PDE1C: variants seen among roughly 807,000 people sequenced by gnomAD.
The protein encoded by PDE1C is dual specificity calcium/calmodulin-dependent 3',5'-cyclic nucleotide phosphodiesterase 1C.
A neutral mutation model predicts 93.1 loss-of-function variants in PDE1C; 62 were observed. The ratio of observed to expected loss-of-function variants is 0.67; its 90% CI spans 0.54 to 0.82. PDE1C has a LOEUF of 0.82. Ranked by LOEUF, PDE1C falls within the 40% of genes least tolerant of loss-of-function variation. PDE1C has a pLI of 0.00. For missense variants in PDE1C, 742 were observed against 884.6 expected (o/e 0.84, Z 2.04); for synonymous variants, 325 against 310.1 (o/e 1.05, Z -0.50).
intron 1 of PDE1C, among the ~76,000 whole-genome samples, chr7:32,266,230 C>T (rs1373263243): frequency 2.0e-5 from 3 of 151,648 alleles, no homozygotes; most frequent in South Asian, 2.1e-4. Flanking sequence ...TGCAGTGAGC[C>T]GAGATCGCGC....
intron 3 of PDE1C, among the ~76,000 whole-genome samples, chr7:32,082,365 C>T (rs558849998): frequency 7.9e-5 from 12 of 152,146 alleles, no homozygotes; most frequent in Non-Finnish European, 1.2e-4. Context: ...CCGGGAAGCT[C>T]GAACTGGGTG....
chr7:31,991,465 C>T (rs1199915526), intron 2 of PDE1C, among the ~76,000 whole-genome samples: 1 of 152,212 alleles, frequency 6.6e-6, no homozygotes, highest in African/African-American at 2.4e-5. Flanking sequence ...GTTACTAGCT[C>T]TGCAGTCATC....
intron 17 of PDE1C, among the ~76,000 whole-genome samples, chr7:31,770,926 C>T (rs1399033410): frequency 1.3e-5 from 2 of 152,148 alleles, no homozygotes; most frequent in African/African-American, 4.8e-5. Context: ...CTGTGTTCTA[C>T]CTTGAACTTA....
intron 2 of PDE1C, among the ~76,000 whole-genome samples, chr7:31,896,297 CCTGT>C (rs1799318892): frequency 6.6e-6 from 1 of 152,044 alleles, no homozygotes; most frequent in Non-Finnish European, 1.5e-5. Flanking sequence ...AGAAACAGGA[CCTGT>C]ACAGAAAATG....
At chr7:32,135,013 G>T (rs1328101218) in intron 3 of PDE1C, among the ~76,000 whole-genome samples, 5 of 152,166 alleles carry the variant, frequency 3.3e-5, no homozygotes, top group Admixed American at 6.5e-5. Flanking sequence ...AGATTTGACA[G>T]CATGGGAATT....
At chr7:31,771,962 C>T (rs921365427) in intron 17 of PDE1C, among the ~76,000 whole-genome samples, 3 of 149,142 alleles carry the variant, frequency 2.0e-5, no homozygotes, top group African/African-American at 7.4e-5. Flanking sequence ...AGCAGAATGG[C>T]GTGAACCTGG....
intron 3 of PDE1C, among the ~76,000 whole-genome samples, chr7:32,149,843 T>C (rs939522255): frequency 6.6e-6 from 1 of 152,178 alleles, no homozygotes; most frequent in African/African-American, 2.4e-5. Context: ...AAAACTGTCT[T>C]TAAACAAACA....
chr7:31,969,973 C>A (rs1810684128), intron 2 of PDE1C, among the ~76,000 whole-genome samples: 1 of 151,834 alleles, frequency 6.6e-6, no homozygotes, highest in African/African-American at 2.4e-5. Flanking sequence ...AGGGGAACAT[C>A]AGATTCTGGG....
the PDE1C span, among the ~76,000 whole-genome samples, chr7:31,682,774 A>G: frequency 6.6e-6 from 1 of 152,232 alleles, no homozygotes; most frequent in Non-Finnish European, 1.5e-5. Flanking sequence ...CATCCATAAC[A>G]TGGAATATTT....
intron 1 of PDE1C, among the ~76,000 whole-genome samples, chr7:32,346,940 A>G (rs2128081711): frequency 6.6e-6 from 1 of 152,378 alleles, no homozygotes; most frequent in East Asian, 1.9e-4. Context: ...AGGAACAGGC[A>G]TTGAGTGCAA....
intron 6 of PDE1C, among the ~76,000 whole-genome samples, chr7:31,870,523 G>C (rs1195312668): frequency 6.6e-6 from 1 of 151,926 alleles, no homozygotes; most frequent in Non-Finnish European, 1.5e-5. Context: ...TAAGTTCCTG[G>C]ACACATACAA....
chr7:32,396,125 G>A lies in PDE1C; in HGVS notation c.310+31697C>T, dbSNP rs376961130. On this transcript the variant is annotated intron_variant, in intron 1 of 1. Coordinates refer to the PDE1C transcript ENST00000672256. ...TAGCTGGAAAACCCAAAAGAGAAAA[G>A]CTATGAGGGTGGACTAGCCCCAGCA... 3.3e-5 allele frequency among the ~76,000 whole-genome samples: 5 copies of A among 152,142 alleles called. No individual in the cohort carries two copies. The East Asian group carries it at 7.7e-4, about 23-fold the overall frequency.
At chr7:32,381,744 G>A (rs1455229471) in intron 1 of PDE1C, among the ~76,000 whole-genome samples, 1 of 152,134 alleles carries the variant, frequency 6.6e-6, no homozygotes, top group Non-Finnish European at 1.5e-5. Context: ...TCTCTGCTTA[G>A]CCTGCCTTAC....
At chr7:31,800,439 T>C (rs1323129157) in intron 16 of PDE1C, among the ~76,000 whole-genome samples, 1 of 151,620 alleles carries the variant, frequency 6.6e-6, no homozygotes, top group Non-Finnish European at 1.5e-5. Flanking sequence ...TAGTTAGAAA[T>C]TCCTTATTTT....
At chr7:31,984,865 A>G (rs1783155433) in intron 2 of PDE1C, among the ~76,000 whole-genome samples, 1 of 152,196 alleles carries the variant, frequency 6.6e-6, no homozygotes, top group Non-Finnish European at 1.5e-5. Context: ...TAAGAATTCC[A>G]GCAAACTAAC....
chr7:31,872,646 G>A (rs1324901981), intron 6 of PDE1C, among the ~76,000 whole-genome samples: 1 of 152,100 alleles, frequency 6.6e-6, no homozygotes, highest in Non-Finnish European at 1.5e-5. Context: ...TCCCTTTGAT[G>A]AGGGAAGTCA....
At chr7:31,689,373 T>C in the PDE1C span, among the ~76,000 whole-genome samples, 2 of 152,166 alleles carry the variant, frequency 1.3e-5, no homozygotes, top group African/African-American at 2.4e-5. Flanking sequence ...GGACCAACTA[T>C]GCAGGCATGA....
At chr7:32,071,630 G>A (rs528934898), upstream of PDE1C, among the ~76,000 whole-genome samples, 1 of 152,304 alleles carries the variant, frequency 6.6e-6, no homozygotes, top group South Asian at 2.1e-4. Context: ...CTGGGCGGCT[G>A]TGGATGGTGA....
intron 2 of PDE1C, among the ~76,000 whole-genome samples, chr7:31,905,734 T>C (rs1162009450): frequency 1.3e-5 from 2 of 152,136 alleles, no homozygotes; most frequent in South Asian, 2.1e-4. Flanking sequence ...CTGATAAGGT[T>C]TGGCTGTGTC....
Sources: gnomAD v4.1 joint callset for allele counts (sites outside exome capture counted in the v4.1 genomes callset) on GRCh38, gnomAD v4.1.1 for gene constraint, MANE v1.5 for transcripts, NCBI Gene and HGNC (gene_info 2026-07-23, HGNC 2026-07-21) for gene names.